Variants in CBLN2 observed in about 807,000 individuals in gnomAD.
CBLN2 encodes the protein cerebellin-2.
In CBLN2, 7 loss-of-function variants were observed where a neutral mutation model predicts 15.0. That is an observed-to-expected ratio of 0.47 (90% CI 0.27 to 0.88). The LOEUF is 0.88. Ranked by LOEUF, CBLN2 falls within the 40% of genes least tolerant of loss-of-function variation. The pLI is 0.14. For missense variants in CBLN2, 242 were observed against 304.5 expected (o/e 0.79, Z 1.53); for synonymous variants, 149 against 135.2 (o/e 1.10, Z -0.71).
chr18:72,569,405 A>AT (rs1480952624), intron 1 of CBLN2, among the ~76,000 whole-genome samples: 6 of 152,194 alleles, frequency 3.9e-5, no homozygotes, highest in African/African-American at 1.4e-4. Context: ...AGACAGCTAG[A>AT]TTTTTACATC....
At chr18:72,615,877 G>T (rs527775008) in intron 1 of CBLN2, among the ~76,000 whole-genome samples, 1 of 152,196 alleles carries the variant, frequency 6.6e-6, no homozygotes, top group South Asian at 2.1e-4. Context: ...TGAAATGTGA[G>T]GTCCACTTGT....
At chr18:72,582,297 C>G (rs770222423) in intron 1 of CBLN2, among the ~76,000 whole-genome samples, 6 of 152,106 alleles carry the variant, frequency 3.9e-5, no homozygotes, top group Admixed American at 1.3e-4. Context: ...CAGGCAGAAG[C>G]CTTTTAGTGT....
At chr18:72,553,353 C>T (rs1458988634) in intron 1 of CBLN2, among the ~76,000 whole-genome samples, 2 of 151,946 alleles carry the variant, frequency 1.3e-5, no homozygotes, top group South Asian at 2.1e-4. Flanking sequence ...AGGGAAGGAG[C>T]GATAAACTTC....
chr18:72,594,168 A>G (rs1252644044), intron 1 of CBLN2, among the ~76,000 whole-genome samples: 1 of 152,138 alleles, frequency 6.6e-6, no homozygotes, highest in African/African-American at 2.4e-5. Flanking sequence ...ACATTAAGAG[A>G]AATACCTAAT....
intron 1 of CBLN2, among the ~76,000 whole-genome samples, chr18:72,578,355 T>C (rs951461507): frequency 3.9e-5 from 6 of 152,234 alleles, no homozygotes; most frequent in Non-Finnish European, 8.8e-5. Context: ...GATAGCATGA[T>C]GTATACATAC....
At chr18:72,542,998 GC>G (rs2069130006) in intron 2 of CBLN2, 1 of 152,980 alleles carries the variant, frequency 6.5e-6, no homozygotes, top group South Asian at 2.1e-4. Flanking sequence ...GGTCCCTGCA[GC>G]CACTAGCGAG....
At chr18:72,623,292 C>G (rs1022125717) in intron 1 of CBLN2, among the ~76,000 whole-genome samples, 1 of 152,130 alleles carries the variant, frequency 6.6e-6, no homozygotes, top group South Asian at 2.1e-4. Flanking sequence ...CTGGTAAACA[C>G]TTAATTGATT....
intron 1 of CBLN2, chr18:72,619,020 C>A: frequency 1.3e-6 from 1 of 762,732 alleles, no homozygotes; most frequent in South Asian, 1.3e-5. Context: ...ATGATGGAAG[C>A]AATTTTGGAG....
At chr18:72,631,696 C>T (rs2069778014) in intron 1 of CBLN2, among the ~76,000 whole-genome samples, 1 of 152,026 alleles carries the variant, frequency 6.6e-6, no homozygotes, top group Non-Finnish European at 1.5e-5. Context: ...AAAACCCAAC[C>T]CTCATAAAGC....
At chr18:72,545,072 C>G (rs1347051036), upstream of CBLN2, among the ~76,000 whole-genome samples, 2 of 152,128 alleles carry the variant, frequency 1.3e-5, no homozygotes, top group Non-Finnish European at 2.9e-5. Context: ...CGAACCCTCT[C>G]CCCTTTGAAG....
chr18:72,593,270 A>G (rs1356843899), intron 1 of CBLN2, among the ~76,000 whole-genome samples: 1 of 151,996 alleles, frequency 6.6e-6, no homozygotes, highest in Non-Finnish European at 1.5e-5. Context: ...ATTTGTAGCT[A>G]TTATAAATGG....
At chr18:72,626,147 A>G (rs1311807970) in intron 1 of CBLN2, among the ~76,000 whole-genome samples, 1 of 151,866 alleles carries the variant, frequency 6.6e-6, no homozygotes, top group Non-Finnish European at 1.5e-5. Context: ...TTCGGCAAAC[A>G]TTTTTCATTT....
At chr18:72,614,591 T>C (rs1338336955) in intron 1 of CBLN2, among the ~76,000 whole-genome samples, 1 of 152,176 alleles carries the variant, frequency 6.6e-6, no homozygotes, top group Non-Finnish European at 1.5e-5. Context: ...CTAAGTACAA[T>C]GTTCATATAC....
At chr18:72,546,553 T>C (rs2069160007), upstream of CBLN2, among the ~76,000 whole-genome samples, 1 of 152,244 alleles carries the variant, frequency 6.6e-6, no homozygotes, top group Non-Finnish European at 1.5e-5. Context: ...TTTCTAGTTA[T>C]CTCAGGGATT....
intron 1 of CBLN2, among the ~76,000 whole-genome samples, chr18:72,553,429 C>T (rs762967806): frequency 2.0e-5 from 3 of 151,534 alleles, no homozygotes; most frequent in Non-Finnish European, 2.9e-5. Flanking sequence ...TCCCAACAGA[C>T]AAAGGTTACT....
intron 1 of CBLN2, among the ~76,000 whole-genome samples, chr18:72,611,274 G>A (rs1312566283): frequency 6.6e-6 from 1 of 152,160 alleles, no homozygotes; most frequent in Non-Finnish European, 1.5e-5. Context: ...TGCAATTGCT[G>A]AGTCAAATGT....
In CBLN2 at chr18:72,549,835, G is replaced by A. The variant is rs192583924; in HGVS notation, c.16-11063C>T. The stretch of plus-strand genomic sequence containing the variant: ...CAGGGGTTACTCTGTAATTGTCATG[G>A]ATGGAGTTTCAGTTCATCTGCACAT... On this transcript the variant is annotated intron_variant, in intron 1 of 2. Coordinates refer to the CBLN2 transcript ENST00000581073. Among the ~76,000 whole-genome samples the A allele has an allele frequency of 6.6e-5, 10 of 152,240 alleles. No individual in the cohort carries two copies. In the East Asian group the frequency reaches 1.9e-3, roughly 29 times the overall value.
At chr18:72,600,181 C>T (rs1429624007) in intron 1 of CBLN2, among the ~76,000 whole-genome samples, 1 of 152,062 alleles carries the variant, frequency 6.6e-6, no homozygotes, top group African/African-American at 2.4e-5. Flanking sequence ...TACAATAGAT[C>T]AATCATTTGG....
chr18:72,548,928 A>G (rs2069175242), upstream of CBLN2, among the ~76,000 whole-genome samples: 1 of 152,172 alleles, frequency 6.6e-6, no homozygotes, highest in South Asian at 2.1e-4. Context: ...TTATTGGGAA[A>G]TCCTATTACA....
Sources: allele counts gnomAD v4.1 joint callset (sites outside exome capture counted in the v4.1 genomes callset), GRCh38; gene constraint gnomAD v4.1.1; transcripts MANE v1.5; gene names NCBI Gene and HGNC (gene_info 2026-07-23, HGNC 2026-07-21).